LRP1: variants seen among roughly 807,000 people sequenced by gnomAD.
The protein encoded by LRP1 is LDL receptor related protein 1.
A neutral mutation model predicts 541.5 loss-of-function variants in LRP1; 51 were observed. That is an observed-to-expected ratio of 0.09 (90% CI 0.08 to 0.12). The LOEUF (loss-of-function observed/expected upper bound fraction) is 0.12. Ranked by LOEUF, LRP1 falls within the 10% of genes least tolerant of loss-of-function variation. LRP1 has a pLI of 1.00. For missense variants in LRP1, 3,878 were observed against 6,376.2 expected (o/e 0.61, Z 13.34); for synonymous variants, 2,219 against 2,470.8 (o/e 0.90, Z 3.02).
intron 76 of LRP1, among the ~76,000 whole-genome samples, chr12:57,207,441 A>G (rs2036808313): frequency 6.6e-6 from 1 of 151,890 alleles, no homozygotes; most frequent in African/African-American, 2.4e-5. Flanking sequence ...TGGAAGTTGC[A>G]GTGAGCCGAG....
chr12:57,181,796 G>A (rs890637745), intron 34 of LRP1, among the ~76,000 whole-genome samples: 11 of 152,188 alleles, frequency 7.2e-5, no homozygotes, highest in African/African-American at 2.4e-4. Flanking sequence ...TAATCAGAGT[G>A]TGAGATGATG....
intron 62 of LRP1, 132 bp from the exon 63 acceptor site, chr12:57,200,310 C>G (rs1438676364): frequency 1.4e-6 from 1 of 698,662 alleles, no homozygotes; most frequent in East Asian, 2.7e-5. Context: ...TCCGAACTCA[C>G]CATAGCCCAA....
intron 78 of LRP1, 59 bp downstream of exon 78, chr12:57,208,876 A>G (rs2036846653): frequency 1.4e-6 from 2 of 1,402,142 alleles, no homozygotes; most frequent in Non-Finnish European, 2.0e-6. Flanking sequence ...CGCAGAGCCC[A>G]GCTGCTGCTG....
Position 57,198,280 on chromosome 12 carries a change from G to A in LRP1, c.9407G>A (p.Arg3136Gln), listed in dbSNP as rs1228007455. The A allele has an allele frequency of 6.2e-7, 1 of 1,613,900 alleles. No individual in the cohort carries two copies. The highest frequency in any genetic ancestry group is 8.5e-7 in the Non-Finnish European group (1 of 1,179,970). ...GTGTCCAAGCTCAATGGGGCCTATC[G>A]GACGGTGCTGGTCAGCTCTGGCCTC... is the stretch of plus-strand genomic sequence containing the variant. ...IEVSKLNGAY[R>Q]TVLVSSGLRE... Residue 3136 changes from arginine (R) to glutamine (Q), a missense_variant, in exon 59 of 89, where the codon CGG (arginine) becomes CAG (glutamine). Around this residue, in one of 13 missense-constraint regions of LRP1, gnomAD observed 1,100 missense variants for 1,827.4 expected, o/e 0.60. Coordinates refer to ENST00000243077, the MANE Select transcript of LRP1 (RefSeq NM_002332.3).
rs2036912966 is a variant in LRP1, at chr12:57,211,417, C to A, written c.13091+67C>A. On this transcript the variant is annotated intron_variant, in intron 84 of 88. Coordinates refer to ENST00000243077, the MANE Select transcript of LRP1 (RefSeq NM_002332.3). This position sits in a 1 kb window ranked among gnomAD's most constrained non-coding sequence, Gnocchi z 4.3. ...CTGCCCTGTCCTAGCCCTGCCCTGC[C>A]CCTCCCTTCCTCAGCATCCCAGGCA... is the stretch of plus-strand genomic sequence containing the variant. 1 of 1,608,832 alleles carries A rather than the reference C, an allele frequency of 6.2e-7. No individual in the cohort carries two copies. Among genetic ancestry groups the A allele is most frequent in the South Asian group, 1.1e-5 (1 of 90,972 alleles).
chr12:57,196,317 G>C, intron 55 of LRP1, 40 bp downstream of exon 55: 1 of 1,494,276 alleles, frequency 6.7e-7, no homozygotes, highest in Non-Finnish European at 9.0e-7. Flanking sequence ...CACCCCAGAC[G>C]TGCCAGGAAC....
At chr12:57,130,900 G>A (rs780334936) in intron 1 of LRP1, among the ~76,000 whole-genome samples, 4 of 152,106 alleles carry the variant, frequency 2.6e-5, no homozygotes, top group Non-Finnish European at 4.4e-5. Context: ...CAAAGCCCCA[G>A]GAGAGGACCC....
chr12:57,190,141 C>T (rs556022407), intron 42 of LRP1, among the ~76,000 whole-genome samples: 13 of 152,254 alleles, frequency 8.5e-5, no homozygotes, highest in Admixed American at 4.6e-4. Flanking sequence ...CCCAAACATG[C>T]AAAGGCCTCA....
chr12:57,184,047 C>T lies in LRP1; in HGVS notation c.5930-38C>T, dbSNP rs1357991744. 1 of 1,606,784 alleles carries T rather than the reference C, an allele frequency of 6.2e-7. No individual in the cohort carries two copies. The highest frequency in any genetic ancestry group is 1.3e-5 in the African/African-American group (1 of 74,828). ...TGGAGACACCAGGTCCACCTGTCCT[C>T]ACCTAACCTCCCTGAGCCCCACCAA... On this transcript the variant is annotated intron_variant, in intron 36 of 88. Transcript: ENST00000243077. This position sits in a 1 kb window ranked among gnomAD's most constrained non-coding sequence, Gnocchi z 7.8.
In LRP1 at chr12:57,145,397, A is replaced by G; in HGVS notation, c.748A>G (p.Ser250Gly). Residue 250 changes from serine (S) to glycine (G), a missense_variant, in exon 6 of 89, where the codon AGT becomes GGT. By Grantham distance (56) the Ser-to-Gly change is moderately conservative (BLOSUM62 0). Transcript: ENST00000243077. The part of the protein sequence containing the change: ...ETVCWVHVGD[S>G]AAQTQLKCAR... ...CGTATGCTGGGTGCATGTTGGGGAC[A>G]GTGCTGCTCAGACGCAGCTCAAGTG... The G allele has an allele frequency of 6.2e-6, 10 of 1,614,178 alleles. No individual in the cohort carries two copies. The highest frequency in any genetic ancestry group is 8.5e-6 in the Non-Finnish European group (10 of 1,180,042).
rs779904679 is a variant in LRP1 at position 57,212,162 on chromosome 12, C to T, written c.13395C>T (p.Asn4465=). 3.5e-5 allele frequency: 57 copies of T among 1,613,968 alleles called. No individual in the cohort carries two copies. In the South Asian group the frequency reaches 4.1e-4, roughly 12 times the overall value. The change falls in exon 88 of 89, where the codon AAC becomes AAT. Residue 4465 remains asparagine, a synonymous_variant. Transcript: ENST00000243077. This position sits in a 1 kb window ranked among gnomAD's most constrained non-coding sequence, Gnocchi z 5.0. Reference sequence around the variant, plus strand: ...AACGGATGACCAACGGGGCCATGAACGTGGAGATTGGAAACCCCACCTACA... The same window carrying T: ...AACGGATGACCAACGGGGCCATGAATGTGGAGATTGGAAACCCCACCTACA... ...QHQRMTNGAM[N]VEIGNPTYKM...
At chr12:57,163,034 A>T in intron 15 of LRP1, 51 bp downstream of exon 15, 1 of 1,555,912 alleles carries the variant, frequency 6.4e-7, no homozygotes, top group Non-Finnish European at 8.7e-7. Context: ...CATCAGGAGG[A>T]TGCCGAAGAG....
In LRP1 at chr12:57,190,937, C is replaced by G; in HGVS notation, c.7164C>G (p.Ala2388=). The G allele has an allele frequency of 6.2e-7, 1 of 1,613,390 alleles. No individual in the cohort carries two copies. Among genetic ancestry groups the G allele is most frequent in the Non-Finnish European group, 8.5e-7 (1 of 1,179,974 alleles). ...TPNGLAIDHR[A]EKLYFSDATL... ...ATGGCCTGGCCATCGACCACCGTGC[C>G]GAGAAGCTCTACTTCTCTGACGCCA... is the stretch of plus-strand genomic sequence containing the variant. Residue 2388 remains alanine, a synonymous_variant, in exon 43 of 89, where the codon GCC becomes GCG. Transcript: ENST00000243077.
At chr12:57,148,300 T>C (rs1460434235) in intron 6 of LRP1, among the ~76,000 whole-genome samples, 3 of 152,178 alleles carry the variant, frequency 2.0e-5, no homozygotes, top group African/African-American at 7.2e-5. Context: ...TTGAAATAAC[T>C]GGTAATAAAC....
At position 57,210,319 on chromosome 12, in the gene LRP1, G is replaced by A; in HGVS notation, c.12593G>A (p.Gly4198Glu). Residue 4198 changes from glycine to glutamate, a missense_variant, in exon 82 of 89, where the codon GGA becomes GAA. By Grantham distance (98) the Gly-to-Glu change is moderately conservative. Coordinates refer to ENST00000243077, the MANE Select transcript of LRP1 (RefSeq NM_002332.3). ...PTPPPDAPRP[G>E]TCNLQCFNGG... ...GCCCTTCCTGCAGCTCCCCGGCCTG[G>A]AACCTGTAACCTGCAGTGCTTCAAC... 1 of 1,559,968 alleles carries A rather than the reference G, an allele frequency of 6.4e-7. No individual in the cohort carries two copies. Among genetic ancestry groups the A allele is most frequent in the Non-Finnish European group, 8.7e-7 (1 of 1,150,386 alleles).
At chr12:57,209,252 C>T in intron 79 of LRP1, 53 bp downstream of exon 79, 2 of 1,445,370 alleles carry the variant, frequency 1.4e-6, no homozygotes, top group East Asian at 2.3e-5. Flanking sequence ...GCCTTGCCAT[C>T]CTCCCTACTG....
Position 57,197,522 on chromosome 12 carries a change from T to G in LRP1, c.9163-23T>G, listed in dbSNP as rs1355740983. ...CCCTGTTGCCACAACCGACTTCTGC[T>G]GTCCTTCACTCCCCAAATCCAGGGC... On this transcript the variant is annotated intron_variant, in intron 57 of 88. Transcript: ENST00000243077. This position sits in a 1 kb window ranked among gnomAD's most constrained non-coding sequence, Gnocchi z 4.5. The G allele has an allele frequency of 6.2e-7, 1 of 1,613,972 alleles. No individual in the cohort carries two copies. The highest frequency in any genetic ancestry group is 8.5e-7 in the Non-Finnish European group (1 of 1,179,976).
intron 34 of LRP1, 63 bp downstream of exon 34, chr12:57,181,354 A>C: frequency 6.5e-7 from 1 of 1,543,484 alleles, no homozygotes; most frequent in East Asian, 2.3e-5. Flanking sequence ...CTCCTACCCT[A>C]CAGCCCCACC....
Position 57,178,673 on chromosome 12 carries a change from A to T in LRP1, c.4606+70A>T, listed in dbSNP as rs2036099008. Reference sequence around the variant, plus strand: ...CTCTTTAGAAGCTGTAGAAGCTCTTAGGAGAGGAGAGGGCAGTGAGAACAG... The same window carrying T: ...CTCTTTAGAAGCTGTAGAAGCTCTTTGGAGAGGAGAGGGCAGTGAGAACAG... On this transcript the variant is annotated intron_variant, in intron 27 of 88. Coordinates refer to ENST00000243077, the MANE Select transcript of LRP1 (RefSeq NM_002332.3). This position sits in a 1 kb window ranked among gnomAD's most constrained non-coding sequence, Gnocchi z 5.8. 6.3e-7 allele frequency: 1 copy of T among 1,599,126 alleles called. No homozygotes were observed. Among genetic ancestry groups the T allele is most frequent in the African/African-American group, 1.3e-5 (1 of 74,570 alleles).
Sources: gnomAD v4.1 joint callset for allele counts (sites outside exome capture counted in the v4.1 genomes callset) on GRCh38, gnomAD v4.1.1 for gene constraint, gnomAD v4.1.1 regional missense constraint, Gnocchi (gnomAD v3.1) non-coding constraint, MANE v1.5 for transcripts, NCBI Gene and HGNC (gene_info 2026-07-23, HGNC 2026-07-21) for gene names.